Variants in GABRB2 observed in about 807,000 individuals in gnomAD.
The protein encoded by GABRB2 is gamma-aminobutyric acid receptor subunit beta-2.
A neutral mutation model predicts 54.7 loss-of-function variants in GABRB2; 16 were observed. The ratio of observed to expected loss-of-function variants is 0.29; its 90% CI spans 0.20 to 0.44. GABRB2 has a LOEUF of 0.44. GABRB2 is among the 20% of genes least tolerant of loss of function. The probability of loss-of-function intolerance (pLI) is 1.00; values close to 1 mark genes in which losing one functional copy is unlikely to be tolerated. For synonymous variants in GABRB2, 244 were observed against 233.8 expected (o/e 1.04, Z -0.40); for missense variants, 355 against 644.0 (o/e 0.55, Z 4.86).
intron 9 of GABRB2, among the ~76,000 whole-genome samples, chr5:161,317,506 G>A (rs187606386): frequency 5.3e-5 from 8 of 152,192 alleles, no homozygotes; most frequent in African/African-American, 9.6e-5. Flanking sequence ...ATAACTCATC[G>A]TTCAAGATGC....
chr5:161,490,029 C>G (rs1759053476), intron 3 of GABRB2, among the ~76,000 whole-genome samples: 1 of 151,582 alleles, frequency 6.6e-6, no homozygotes, highest in South Asian at 2.1e-4. Flanking sequence ...AGCATAGAAG[C>G]TGATCACTAG....
intron 3 of GABRB2, among the ~76,000 whole-genome samples, chr5:161,501,750 A>G (rs912215910): frequency 2.6e-5 from 4 of 151,866 alleles, no homozygotes; most frequent in African/African-American, 7.2e-5. Flanking sequence ...AGAAAACCAG[A>G]TAAGTTAAAT....
chr5:161,340,275 A>C (rs1286596155), intron 5 of GABRB2, among the ~76,000 whole-genome samples: 2 of 152,206 alleles, frequency 1.3e-5, no homozygotes, highest in East Asian at 3.9e-4. Context: ...AGTGTTTGCT[A>C]GGCAATACCT....
intron 3 of GABRB2, among the ~76,000 whole-genome samples, chr5:161,516,509 A>G (rs1759953581): frequency 6.6e-6 from 1 of 152,202 alleles, no homozygotes; most frequent in Non-Finnish European, 1.5e-5. Context: ...AAGAAAGGCA[A>G]TGAAACTTCT....
chr5:161,495,941 G>C (rs1291933451), intron 3 of GABRB2, among the ~76,000 whole-genome samples: 1 of 152,136 alleles, frequency 6.6e-6, no homozygotes, highest in Non-Finnish European at 1.5e-5. Flanking sequence ...TAATCAAGTA[G>C]AACTTCACAT....
intron 9 of GABRB2, among the ~76,000 whole-genome samples, chr5:161,319,981 C>A (rs571429859): frequency 6.6e-6 from 1 of 151,012 alleles, no homozygotes; most frequent in African/African-American, 2.4e-5. Context: ...CTTTTAATTT[C>A]CCCTTAATGT....
chr5:161,344,617 C>T (rs912620024), intron 5 of GABRB2, among the ~76,000 whole-genome samples: 1 of 152,020 alleles, frequency 6.6e-6, no homozygotes, highest in Admixed American at 6.6e-5. Context: ...TTAGATTAAC[C>T]ATTGTGGGAG....
Position 161,444,579 on chromosome 5 carries a change from C to T in GABRB2, c.458+15045G>A, listed in dbSNP as rs73800511. 5.5e-3 allele frequency among the ~76,000 whole-genome samples: 834 copies of T among 152,232 alleles called. 11 individuals carry two copies. The highest frequency in any genetic ancestry group is 0.018 in the African/African-American group (755 of 41,562). On this transcript the variant is annotated intron_variant, in intron 4 of 9. Transcript: ENST00000393959. ...TGCCATGCCAATGGAAATTTTAACACGGTCAACTCATATTTGCACTTAATT... is the reference window on the plus strand; with the variant it reads ...TGCCATGCCAATGGAAATTTTAACATGGTCAACTCATATTTGCACTTAATT...
chr5:161,390,053 G>T (rs527238989), intron 5 of GABRB2, among the ~76,000 whole-genome samples: 6 of 152,064 alleles, frequency 3.9e-5, no homozygotes, highest in South Asian at 2.1e-4. Flanking sequence ...ATATTACTTG[G>T]TGTTAGTTTT....
At chr5:161,328,948 A>C (rs1171943941) in intron 8 of GABRB2, among the ~76,000 whole-genome samples, 1 of 152,158 alleles carries the variant, frequency 6.6e-6, no homozygotes, top group Admixed American at 6.6e-5. Context: ...CTCATATTCC[A>C]TCACTTGAAT....
chr5:161,295,839 GA>G (rs1190236271), intron 9 of GABRB2, among the ~76,000 whole-genome samples: 1 of 152,166 alleles, frequency 6.6e-6, no homozygotes, highest in African/African-American at 2.4e-5. Flanking sequence ...TTGCTTAGAG[GA>G]AACACTAAAC....
intron 5 of GABRB2, among the ~76,000 whole-genome samples, chr5:161,367,586 TATTTA>T (rs1291434733): frequency 6.6e-6 from 1 of 152,230 alleles, no homozygotes; most frequent in Non-Finnish European, 1.5e-5. Flanking sequence ...TAGTTTGTTG[TATTTA>T]ATTCCATTTC....
At chr5:161,474,086 G>A (rs568574844) in intron 3 of GABRB2, among the ~76,000 whole-genome samples, 1 of 151,998 alleles carries the variant, frequency 6.6e-6, no homozygotes, top group East Asian at 1.9e-4. Context: ...CCAGGAAACA[G>A]CCAGTGCCAA....
In GABRB2 at chr5:161,411,098, T is replaced by A. The variant is rs765398591; in HGVS notation, c.459-41A>T. The A allele has an allele frequency of 2.7e-6, 4 of 1,464,994 alleles. No individual in the cohort carries two copies. In the African/African-American group the frequency reaches 5.6e-5, roughly 20 times the overall value. The allele number at this position is 1,464,994 out of a possible 1,614,324, so 90.7% of individuals were successfully genotyped here. On this transcript the variant is annotated intron_variant, in intron 4 of 9. Transcript: ENST00000393959. The stretch of plus-strand genomic sequence containing the variant: ...CAATGATGAGTGTTGTTAGCAGGTC[T>A]AAGGCTGGAGCTGGAAATTTAAATC...
At chr5:161,406,551 G>A (rs1443488544) in intron 5 of GABRB2, among the ~76,000 whole-genome samples, 1 of 152,006 alleles carries the variant, frequency 6.6e-6, no homozygotes. Context: ...TGCTGAAGTT[G>A]CTATTTATTA....
At chr5:161,308,425 T>A (rs1214621017) in intron 9 of GABRB2, among the ~76,000 whole-genome samples, 1 of 152,238 alleles carries the variant, frequency 6.6e-6, no homozygotes, top group Non-Finnish European at 1.5e-5. Context: ...ATGGCCATAC[T>A]GCCCATAAGC....
intron 3 of GABRB2, among the ~76,000 whole-genome samples, chr5:161,513,061 A>G (rs1759828229): frequency 6.6e-6 from 1 of 151,462 alleles, no homozygotes; most frequent in East Asian, 1.9e-4. Context: ...AAAAAGAAAA[A>G]AAAAAACAAA....
intron 4 of GABRB2, among the ~76,000 whole-genome samples, chr5:161,451,757 T>C (rs1333929717): frequency 6.6e-6 from 1 of 152,102 alleles, no homozygotes; most frequent in Non-Finnish European, 1.5e-5. Flanking sequence ...TCATTGTTAA[T>C]TTAAAAAGAT....
intron 3 of GABRB2, among the ~76,000 whole-genome samples, chr5:161,511,934 G>A (rs906654680): frequency 6.6e-6 from 1 of 151,936 alleles, no homozygotes; most frequent in African/African-American, 2.4e-5. Context: ...GGAACTGGAA[G>A]TTAGTACTTT....
Sources: allele counts gnomAD v4.1 joint callset (sites outside exome capture counted in the v4.1 genomes callset), GRCh38; gene constraint gnomAD v4.1.1; transcripts MANE v1.5; gene names NCBI Gene and HGNC (gene_info 2026-07-23, HGNC 2026-07-21).